Variants in SDK1 observed in about 807,000 individuals in gnomAD.
The protein encoded by SDK1 is sidekick cell adhesion molecule 1.
SDK1 carries 157 observed loss-of-function variants against 245.5 expected under a neutral mutation model. The ratio of observed to expected loss-of-function variants is 0.64; its 90% CI spans 0.56 to 0.73. SDK1 has a LOEUF of 0.73. SDK1 is among the 30% of genes least tolerant of loss of function. The pLI is 0.00. For synonymous variants in SDK1, 1,647 were observed against 1,278.5 expected, an observed-to-expected ratio of 1.29 and a Z score of -6.15; for missense variants, 3,583 against 3,002.3, an observed-to-expected ratio of 1.19 and a Z score of -4.52.
At chr7:3,759,436 G>T (rs1037453798) in intron 4 of SDK1, among the ~76,000 whole-genome samples, 5 of 152,108 alleles carry the variant, frequency 3.3e-5, no homozygotes, top group African/African-American at 4.8e-5. Context: ...CCTGATGCAT[G>T]ACTTTAAAGT....
intron 22 of SDK1, among the ~76,000 whole-genome samples, chr7:4,083,253 C>T (rs1321103650): frequency 2.6e-5 from 4 of 152,132 alleles, no homozygotes; most frequent in Admixed American, 6.5e-5. Context: ...GCAGCCCCCA[C>T]TATCCCTCCC....
intron 5 of SDK1, among the ~76,000 whole-genome samples, chr7:3,897,768 A>G (rs1437910430): frequency 6.6e-6 from 1 of 150,986 alleles, no homozygotes; most frequent in Non-Finnish European, 1.5e-5. Context: ...TGTGTGTGTT[A>G]TAATGGGAAG....
chr7:3,544,886 A>G (rs1321350110), intron 1 of SDK1, among the ~76,000 whole-genome samples: 1 of 152,216 alleles, frequency 6.6e-6, no homozygotes, highest in African/African-American at 2.4e-5. Context: ...AGCAGCTGCC[A>G]TCTCAGATGC....
At chr7:4,249,427 C>T (rs1173688252) in intron 44 of SDK1, among the ~76,000 whole-genome samples, 3 of 152,218 alleles carry the variant, frequency 2.0e-5, no homozygotes, top group Non-Finnish European at 2.9e-5. Flanking sequence ...TGGAGGAAAG[C>T]GTTCCTGCAA....
intron 4 of SDK1, among the ~76,000 whole-genome samples, chr7:3,669,531 A>G (rs1783631837): frequency 6.6e-6 from 1 of 151,846 alleles, no homozygotes; most frequent in African/African-American, 2.4e-5. Context: ...CAATAACACA[A>G]CACACTCCTG....
intron 4 of SDK1, among the ~76,000 whole-genome samples, chr7:3,695,685 A>G (rs1261046903): frequency 6.6e-6 from 1 of 152,242 alleles, no homozygotes; most frequent in African/African-American, 2.4e-5. Flanking sequence ...AACTCAACAC[A>G]GTTAATTGAG....
chr7:3,988,277 C>T (rs1438217632), intron 14 of SDK1, among the ~76,000 whole-genome samples: 1 of 151,636 alleles, frequency 6.6e-6, no homozygotes, highest in African/African-American at 2.4e-5. Context: ...CCCACCTCCA[C>T]ACCCCCTGCA....
chr7:3,867,306 A>C (rs1399081352), intron 5 of SDK1, among the ~76,000 whole-genome samples: 1 of 152,248 alleles, frequency 6.6e-6, no homozygotes, highest in Admixed American at 6.5e-5. Flanking sequence ...TTTCTCAAGC[A>C]TGTGAAGAAA....
At chr7:3,581,812 G>A (rs1233697386) in intron 1 of SDK1, among the ~76,000 whole-genome samples, 10 of 152,188 alleles carry the variant, frequency 6.6e-5, no homozygotes, top group African/African-American at 1.4e-4. Context: ...AATACTATGC[G>A]GCCATGAAAT....
chr7:3,805,876 C>T (rs771668062), intron 4 of SDK1, among the ~76,000 whole-genome samples: 1 of 152,128 alleles, frequency 6.6e-6, no homozygotes, highest in Non-Finnish European at 1.5e-5. Flanking sequence ...CTCTTTAAAC[C>T]CTTTTTCTCC....
At chr7:4,258,912 G>A (rs1028324142) in intron 44 of SDK1, among the ~76,000 whole-genome samples, 3 of 152,136 alleles carry the variant, frequency 2.0e-5, no homozygotes, top group African/African-American at 4.8e-5. Flanking sequence ...TGAATTTCTC[G>A]TGAGAAAAGT....
chr7:3,404,216 C>T (rs1778992656), intron 1 of SDK1, among the ~76,000 whole-genome samples: 1 of 151,942 alleles, frequency 6.6e-6, no homozygotes. Flanking sequence ...TTAAAGCCCT[C>T]AATTTGAAAA....
At position 4,268,770 on chromosome 7, in the gene SDK1, G is replaced by A. The variant is rs770151276; in HGVS notation, c.*3386G>A. ...TGGTAGCATGGATCCAGTCTGAAAG[G>A]TGAGGACAACGTGGAAACTCATGAG... On this transcript the variant is annotated 3_prime_UTR_variant, in exon 45 of 45. Transcript: ENST00000404826. 7.3e-7 allele frequency: 1 copy of A among 1,366,142 alleles called. No individual in the cohort carries two copies. Among genetic ancestry groups the A allele is most frequent in the Non-Finnish European group, 9.8e-7 (1 of 1,020,546 alleles). 84.6% of individuals were successfully genotyped at this position (1,366,142 alleles called of 1,614,324 possible).
At chr7:3,681,990 T>C (rs1296013727) in intron 4 of SDK1, among the ~76,000 whole-genome samples, 1 of 152,246 alleles carries the variant, frequency 6.6e-6, no homozygotes, top group African/African-American at 2.4e-5. Context: ...TCAAATGTTT[T>C]AATGTTCTGC....
chr7:3,324,521 T>A (rs1233683612), intron 1 of SDK1, among the ~76,000 whole-genome samples: 2 of 152,170 alleles, frequency 1.3e-5, no homozygotes, highest in Admixed American at 6.5e-5. Flanking sequence ...CTTGGAAGTT[T>A]GTTTGCTCCT....
chr7:4,031,468 A>G (rs1787812984), intron 17 of SDK1, among the ~76,000 whole-genome samples: 1 of 152,212 alleles, frequency 6.6e-6, no homozygotes, highest in South Asian at 2.1e-4. Context: ...GGTTCTATGT[A>G]AACGTCTGAA....
At chr7:3,590,775 G>A (rs1780842560) in intron 1 of SDK1, among the ~76,000 whole-genome samples, 2 of 136,696 alleles carry the variant, frequency 1.5e-5, no homozygotes, top group South Asian at 4.8e-4. Flanking sequence ...GCTGAGTATA[G>A]CACTTTTTTT....
chr7:4,253,191 T>G (rs1259979405), intron 44 of SDK1, among the ~76,000 whole-genome samples: 1 of 152,202 alleles, frequency 6.6e-6, no homozygotes, highest in Non-Finnish European at 1.5e-5. Flanking sequence ...TTTGCTCGTC[T>G]TCTTTCAATT....
chr7:3,538,425 A>G (rs750981777), intron 1 of SDK1, among the ~76,000 whole-genome samples: 1 of 152,028 alleles, frequency 6.6e-6, no homozygotes, highest in Admixed American at 6.5e-5. Flanking sequence ...TTGCCTTTTA[A>G]TGTATCCTCT....
Sources: gnomAD v4.1 joint callset for allele counts (sites outside exome capture counted in the v4.1 genomes callset) on GRCh38, gnomAD v4.1.1 for gene constraint, MANE v1.5 for transcripts, NCBI Gene and HGNC (gene_info 2026-07-23, HGNC 2026-07-21) for gene names.